MAGI3: variants seen among roughly 807,000 people sequenced by gnomAD.
MAGI3 encodes the protein membrane-associated guanylate kinase, WW and PDZ domain-containing protein 3.
In MAGI3, 43 loss-of-function variants were observed where a neutral mutation model predicts 121.8. That is an observed-to-expected ratio of 0.35 (90% CI 0.28 to 0.46). The LOEUF is 0.46. Among genes scored for constraint, MAGI3 ranks in the 20% least tolerant of loss-of-function variants. MAGI3 has a pLI of 1.00. For synonymous variants in MAGI3, 553 were observed against 639.3 expected (o/e 0.86, Z 2.04); for missense variants, 1,547 against 1,797.3 (o/e 0.86, Z 2.52).
intron 2 of MAGI3, among the ~76,000 whole-genome samples, chr1:113,560,417 A>C (rs1393513950): frequency 6.6e-6 from 1 of 151,278 alleles, no homozygotes; most frequent in Non-Finnish European, 1.5e-5. Context: ...AAAAAACCAA[A>C]AAAACAATAA....
chr1:113,663,358 C>A (rs1050268777), intron 16 of MAGI3, among the ~76,000 whole-genome samples: 1 of 151,304 alleles, frequency 6.6e-6, no homozygotes, highest in Admixed American at 6.6e-5. Flanking sequence ...CATTAGAAAT[C>A]ACTTCCCATT....
intron 6 of MAGI3, among the ~76,000 whole-genome samples, chr1:113,605,622 C>T (rs533224361): frequency 3.3e-5 from 5 of 152,056 alleles, no homozygotes; most frequent in East Asian, 3.9e-4. Context: ...TTCCCCGAGA[C>T]GGAGTCATGC....
intron 1 of MAGI3, among the ~76,000 whole-genome samples, chr1:113,496,025 T>C (rs947735664): frequency 6.6e-6 from 1 of 152,242 alleles, no homozygotes; most frequent in African/African-American, 2.4e-5. Flanking sequence ...ACCTGACTAA[T>C]GATTTTGAAG....
intron 1 of MAGI3, among the ~76,000 whole-genome samples, chr1:113,514,647 G>T (rs1335516237): frequency 6.6e-6 from 1 of 151,974 alleles, no homozygotes; most frequent in Non-Finnish European, 1.5e-5. Flanking sequence ...GAGGGGGAGG[G>T]ATAGCTTTAG....
chr1:113,604,833 G>A (rs1033491222), intron 6 of MAGI3, among the ~76,000 whole-genome samples: 3 of 151,244 alleles, frequency 2.0e-5, no homozygotes, highest in Non-Finnish European at 4.4e-5. Context: ...GAGGAGGGTC[G>A]GATGGGGGAA....
chr1:113,654,266 G>A (rs952062753), intron 15 of MAGI3, among the ~76,000 whole-genome samples: 1 of 152,120 alleles, frequency 6.6e-6, no homozygotes, highest in African/African-American at 2.4e-5. Context: ...TTTGCCTCAA[G>A]GTTATACTGA....
chr1:113,450,106 C>G, intron 1 of MAGI3: 11 of 1,454,918 alleles, frequency 7.6e-6, no homozygotes, highest in Non-Finnish European at 1.0e-5. Flanking sequence ...ATAGAAGTTA[C>G]GGAAGACAGG....
At chr1:113,426,927 ACTCT>A (rs985712767) in intron 1 of MAGI3, among the ~76,000 whole-genome samples, 24 of 150,606 alleles carry the variant, frequency 1.6e-4, no homozygotes, top group African/African-American at 5.9e-4. Flanking sequence ...CCCTTTTATT[ACTCT>A]CTCTATATAT....
intron 9 of MAGI3, among the ~76,000 whole-genome samples, chr1:113,635,694 G>A (rs1302071733): frequency 6.6e-6 from 1 of 152,058 alleles, no homozygotes; most frequent in South Asian, 2.1e-4. Context: ...TCTCTTTTTT[G>A]GTTGTGTCTC....
chr1:113,682,175 T>C (rs76325600), intron 20 of MAGI3: 2 of 1,572,890 alleles, frequency 1.3e-6, no homozygotes, highest in South Asian at 2.4e-5. Context: ...TTTTTTTTTT[T>C]TCACATAGTC....
chr1:113,561,834 C>T (rs896351747), intron 2 of MAGI3, among the ~76,000 whole-genome samples: 3 of 152,052 alleles, frequency 2.0e-5, no homozygotes, highest in African/African-American at 4.8e-5. Context: ...CCCTGTTTGC[C>T]GATGACATGA....
At chr1:113,682,361 GA>G in intron 20 of MAGI3, 2 of 1,546,806 alleles carry the variant, frequency 1.3e-6, no homozygotes, top group Non-Finnish European at 1.7e-6. Flanking sequence ...AATTAAAAAT[GA>G]TGCTATTAAA....
At chr1:113,429,380 T>C (rs974906278) in intron 1 of MAGI3, among the ~76,000 whole-genome samples, 10 of 152,220 alleles carry the variant, frequency 6.6e-5, no homozygotes, top group Non-Finnish European at 1.0e-4. Flanking sequence ...AGCATGTAGT[T>C]ATTGAAATGA....
intron 1 of MAGI3, among the ~76,000 whole-genome samples, chr1:113,434,023 C>G (rs1233421888): frequency 6.6e-6 from 1 of 152,080 alleles, no homozygotes; most frequent in African/African-American, 2.4e-5. Context: ...GGAGCATGTG[C>G]CTGTTACCAA....
chr1:113,550,403 G>A (rs879854839), intron 2 of MAGI3, among the ~76,000 whole-genome samples: 5 of 151,092 alleles, frequency 3.3e-5, no homozygotes, highest in South Asian at 2.1e-4. Context: ...GTGAAAGAGC[G>A]AGATTCCGTC....
At chr1:113,493,057 A>C (rs1656744278) in intron 1 of MAGI3, among the ~76,000 whole-genome samples, 1 of 152,194 alleles carries the variant, frequency 6.6e-6, no homozygotes, top group African/African-American at 2.4e-5. Context: ...ATTCATATGG[A>C]ACCAAAAAAG....
chr1:113,615,937 T>A (rs1570945129), intron 7 of MAGI3, among the ~76,000 whole-genome samples: 1 of 152,300 alleles, frequency 6.6e-6, no homozygotes, highest in African/African-American at 2.4e-5. Context: ...CAGGATTTTT[T>A]TCTTCCCCTC....
chr1:113,627,350 A>G (rs185357863), intron 9 of MAGI3, among the ~76,000 whole-genome samples: 1 of 151,874 alleles, frequency 6.6e-6, no homozygotes. Flanking sequence ...GTAACCTAAC[A>G]TATGGTCTAT....
chr1:113,665,961 T>C (rs1189139808), intron 16 of MAGI3, among the ~76,000 whole-genome samples: 5 of 152,238 alleles, frequency 3.3e-5, no homozygotes, highest in Non-Finnish European at 4.4e-5. Context: ...TTCTAGTGCA[T>C]ATAGAAGTTA....
Sources: gnomAD v4.1 joint callset for allele counts (sites outside exome capture counted in the v4.1 genomes callset) on GRCh38, gnomAD v4.1.1 for gene constraint, MANE v1.5 for transcripts, NCBI Gene and HGNC (gene_info 2026-07-23, HGNC 2026-07-21) for gene names.